Variants in DLG2 observed in about 807,000 individuals in gnomAD.
The protein encoded by DLG2 is discs large MAGUK scaffold protein 2, also known as disks large homolog 2.
A neutral mutation model predicts 132.5 loss-of-function variants in DLG2; 45 were observed. The ratio of observed to expected loss-of-function variants is 0.34; its 90% confidence interval spans 0.27 to 0.44. DLG2 has a LOEUF of 0.44. Among genes scored for constraint, DLG2 ranks in the 20% least tolerant of loss-of-function variants. DLG2 has a pLI of 1.00. For synonymous variants in DLG2, 424 were observed against 419.6 expected (o/e 1.01, Z -0.13); for missense variants, 1,045 against 1,196.9 (o/e 0.87, Z 1.87).
intron 4 of DLG2, among the ~76,000 whole-genome samples, chr11:85,258,767 A>C (rs189858874): frequency 6.6e-6 from 1 of 152,290 alleles, no homozygotes; most frequent in East Asian, 1.9e-4. Context: ...ATAGGACAGA[A>C]GCTCTTTAGG....
rs191078109 is a variant in DLG2, at chr11:83,676,965, C to G, written c.1826-43640G>C. ...AATAATAGACAAATGAACTAGAAAA[C>G]GACCGAACAAAGCAAGGTAATCTGG... On this transcript the variant is annotated intron_variant, in intron 18 of 27. Transcript: ENST00000376104. Among the ~76,000 whole-genome samples the G allele has an allele frequency of 2.7e-3, 417 of 152,198 alleles. 4 individuals carry two copies. Among genetic ancestry groups the G allele is most frequent in the African/African-American group, 9.6e-3 (398 of 41,512 alleles).
intron 7 of DLG2, among the ~76,000 whole-genome samples, chr11:84,511,803 G>C (rs1001166139): frequency 3.9e-5 from 6 of 152,100 alleles, no homozygotes; most frequent in African/African-American, 1.4e-4. Context: ...ATGTTAAAAT[G>C]CTGGTTCTCA....
intron 3 of DLG2, among the ~76,000 whole-genome samples, chr11:85,523,046 T>A (rs909291548): frequency 6.6e-6 from 1 of 152,212 alleles, no homozygotes; most frequent in Non-Finnish European, 1.5e-5. Flanking sequence ...CCCACCCAAA[T>A]GTCATCTTGA....
At chr11:84,491,432 C>G (rs1567772494) in intron 7 of DLG2, among the ~76,000 whole-genome samples, 2 of 152,110 alleles carry the variant, frequency 1.3e-5, no homozygotes, top group Non-Finnish European at 2.9e-5. Context: ...AACTGTAAGT[C>G]AAATTAAACC....
intron 21 of DLG2, among the ~76,000 whole-genome samples, chr11:83,508,574 A>G (rs929297840): frequency 2.0e-5 from 3 of 151,696 alleles, no homozygotes; most frequent in Admixed American, 2.0e-4. Flanking sequence ...AGCAACTAAT[A>G]CTTATTGAGC....
rs544228003 is a variant in DLG2 at position 83,541,188 on chromosome 11, C to A, written c.2117+494G>T. Among the ~76,000 whole-genome samples the A allele has an allele frequency of 7.9e-5, 12 of 152,330 alleles. No individual in the cohort carries two copies. The South Asian group carries it at 2.5e-3, about 32-fold the overall frequency. ...ACCTCACCAGATGTTTGACAGCTCA[C>A]ATCCCAAGCACCTGAATTTGAGATG... On this transcript the variant is annotated intron_variant, in intron 20 of 27. Coordinates refer to ENST00000376104, the MANE Select transcript of DLG2 (RefSeq NM_001142699.3).
intron 6 of DLG2, among the ~76,000 whole-genome samples, chr11:85,067,986 G>T (rs1159007150): frequency 1.3e-5 from 2 of 152,050 alleles, no homozygotes; most frequent in Non-Finnish European, 2.9e-5. Flanking sequence ...GGGACGCAAG[G>T]CTGTTTCAAC....
At chr11:85,628,280 C>A (rs1456887796), upstream of DLG2, among the ~76,000 whole-genome samples, 1 of 152,198 alleles carries the variant, frequency 6.6e-6, no homozygotes, top group Non-Finnish European at 1.5e-5. Flanking sequence ...GAGGCAGGAG[C>A]GCAGTAACAT....
At chr11:85,313,179 T>A (rs1179759337) in intron 3 of DLG2, among the ~76,000 whole-genome samples, 1 of 151,874 alleles carries the variant, frequency 6.6e-6, no homozygotes, top group East Asian at 1.9e-4. Context: ...TTACAGGTGA[T>A]CCCCCTTCCT....
intron 18 of DLG2, among the ~76,000 whole-genome samples, chr11:83,658,250 T>A (rs2073265071): frequency 6.6e-6 from 1 of 152,244 alleles, no homozygotes; most frequent in South Asian, 2.1e-4. Flanking sequence ...CATTTTTATG[T>A]TCTTGTTTTC....
At chr11:84,029,300 A>C (rs1372711514) in intron 11 of DLG2, among the ~76,000 whole-genome samples, 1 of 152,104 alleles carries the variant, frequency 6.6e-6, no homozygotes, top group African/African-American at 2.4e-5. Context: ...CCCTACTTCT[A>C]TCCAAATCTT....
At chr11:84,642,017 T>C (rs1034406694) in intron 6 of DLG2, among the ~76,000 whole-genome samples, 21 of 140,812 alleles carry the variant, frequency 1.5e-4, no homozygotes, top group African/African-American at 5.2e-4. Context: ...TATATATATA[T>C]ATACACACAC....
intron 6 of DLG2, among the ~76,000 whole-genome samples, chr11:84,685,619 C>T (rs747475583): frequency 6.6e-5 from 10 of 152,124 alleles, no homozygotes; most frequent in Admixed American, 1.3e-4. Flanking sequence ...TCCAAATATA[C>T]GAGTCACAGC....
At chr11:85,440,382 T>A (rs912660252) in intron 3 of DLG2, among the ~76,000 whole-genome samples, 1 of 152,228 alleles carries the variant, frequency 6.6e-6, no homozygotes, top group Non-Finnish European at 1.5e-5. Context: ...ATATAAATGT[T>A]AGCTCCCTTC....
intron 4 of DLG2, among the ~76,000 whole-genome samples, chr11:85,205,055 T>A (rs923381960): frequency 6.6e-6 from 1 of 151,478 alleles, no homozygotes; most frequent in African/African-American, 2.4e-5. Flanking sequence ...AAGTCTTAAA[T>A]GTAAAACATA....
chr11:85,457,144 T>G (rs2092448466), intron 3 of DLG2, among the ~76,000 whole-genome samples: 2 of 152,118 alleles, frequency 1.3e-5, no homozygotes, highest in African/African-American at 4.8e-5. Flanking sequence ...AGTCTTCCAG[T>G]TGAATTAAAA....
chr11:85,164,769 C>A (rs546628904), intron 4 of DLG2, among the ~76,000 whole-genome samples: 1 of 152,268 alleles, frequency 6.6e-6, no homozygotes, highest in South Asian at 2.1e-4. Flanking sequence ...GATTAAAAAG[C>A]ATCTTATGAA....
chr11:85,614,412 C>T (rs1288867129), intron 2 of DLG2, among the ~76,000 whole-genome samples: 4 of 151,692 alleles, frequency 2.6e-5, no homozygotes, highest in Non-Finnish European at 5.9e-5. Context: ...GAGGCTGAGG[C>T]AGGTGGATAC....
At chr11:84,343,694 T>C (rs80134893) in intron 7 of DLG2, among the ~76,000 whole-genome samples, 1 of 152,310 alleles carries the variant, frequency 6.6e-6, no homozygotes, top group African/African-American at 2.4e-5. Flanking sequence ...CCAGGGCGAT[T>C]GGTACAGGTT....
Sources: gnomAD v4.1 joint callset for allele counts (sites outside exome capture counted in the v4.1 genomes callset) on GRCh38, gnomAD v4.1.1 for gene constraint, MANE v1.5 for transcripts, NCBI Gene and HGNC (gene_info 2026-07-23, HGNC 2026-07-21) for gene names.